Variants in TRAPPC9 observed in about 807,000 individuals in gnomAD.
TRAPPC9 encodes the protein IKK2 binding protein.
Under a neutral mutation model 124.0 loss-of-function variants are expected in TRAPPC9, and 83 were observed. That is an observed-to-expected ratio of 0.67 (90% CI 0.56 to 0.80). TRAPPC9 has a LOEUF of 0.80. Among genes scored for constraint, TRAPPC9 ranks in the 30% least tolerant of loss-of-function variants. The probability of loss-of-function intolerance (pLI) is 0.00; values close to 1 mark genes in which losing one functional copy is unlikely to be tolerated. For missense variants in TRAPPC9, 1,302 were observed against 1,508.3 expected (o/e 0.86, Z 2.27); for synonymous variants, 638 against 617.5 (o/e 1.03, Z -0.49).
chr8:140,141,027 T>C (rs1044257536), intron 17 of TRAPPC9, among the ~76,000 whole-genome samples: 7 of 152,226 alleles, frequency 4.6e-5, no homozygotes, highest in Non-Finnish European at 7.3e-5. Context: ...ATTTTGTTCT[T>C]CATGCTAACA....
At position 139,984,494 on chromosome 8, in the gene TRAPPC9, G is replaced by C. The variant is rs1348771118; in HGVS notation, c.2810+4232C>G. 1.3e-5 allele frequency among the ~76,000 whole-genome samples: 2 copies of C among 152,180 alleles called. No homozygotes were observed. The highest frequency in any genetic ancestry group is 4.8e-5 in the African/African-American group (2 of 41,458). ...GTGGCAGGGGTGCCTCCTCGTAGGG[G>C]AACGGGAGAGCCAGGAGAGAGGTTC... On this transcript the variant is annotated intron_variant, in intron 19 of 22. Coordinates refer to ENST00000438773, the MANE Select transcript of TRAPPC9 (RefSeq NM_001160372.4). This position sits in a 1 kb window ranked among gnomAD's most constrained non-coding sequence, Gnocchi z 4.3.
At chr8:140,251,013 C>T (rs930524203) in intron 16 of TRAPPC9, among the ~76,000 whole-genome samples, 2 of 152,184 alleles carry the variant, frequency 1.3e-5, no homozygotes, top group Non-Finnish European at 2.9e-5. Context: ...AAGGCAGAAG[C>T]ACAGTCATAA....
chr8:140,077,599 G>A (rs1395368937), intron 17 of TRAPPC9, among the ~76,000 whole-genome samples: 2 of 151,874 alleles, frequency 1.3e-5, no homozygotes, highest in East Asian at 1.9e-4. Context: ...GATGCTTGCT[G>A]GGGGGACTCC....
intron 17 of TRAPPC9, among the ~76,000 whole-genome samples, chr8:140,151,691 C>G (rs141535695): frequency 2.0e-5 from 3 of 152,176 alleles, no homozygotes; most frequent in East Asian, 1.9e-4. Context: ...GAGTTCAACA[C>G]AGGAATGCGG....
At chr8:139,836,835 T>G (rs1299285548) in intron 21 of TRAPPC9, among the ~76,000 whole-genome samples, 1 of 152,154 alleles carries the variant, frequency 6.6e-6, no homozygotes, top group Non-Finnish European at 1.5e-5. Flanking sequence ...CCCTCGATGT[T>G]TGCCATCATT....
intron 10 of TRAPPC9, among the ~76,000 whole-genome samples, chr8:140,305,327 G>A (rs1044227983): frequency 6.6e-6 from 1 of 152,154 alleles, no homozygotes; most frequent in South Asian, 2.1e-4. Context: ...GAGAGAGGGA[G>A]TATCGCACTG....
intron 10 of TRAPPC9, 85 bp downstream of exon 10, chr8:140,311,163 T>C: frequency 6.4e-7 from 1 of 1,552,402 alleles, no homozygotes; most frequent in Non-Finnish European, 8.8e-7. Context: ...ATGGGAACTC[T>C]TCTAAAGATC....
At chr8:140,184,548 G>C (rs1344371384) in intron 17 of TRAPPC9, among the ~76,000 whole-genome samples, 1 of 152,058 alleles carries the variant, frequency 6.6e-6, no homozygotes, top group African/African-American at 2.4e-5. Flanking sequence ...CAATTCTCCT[G>C]CCTCAGCCTC....
In TRAPPC9 at chr8:139,728,500, C is replaced by T. The variant is rs1381543086; in HGVS notation, c.*2561G>A. 6.6e-6 allele frequency among the ~76,000 whole-genome samples: 1 copy of T among 152,212 alleles called. No individual in the cohort carries two copies. Among genetic ancestry groups the T allele is most frequent in the Non-Finnish European group, 1.5e-5 (1 of 68,044 alleles). On this transcript the variant is annotated 3_prime_UTR_variant, in exon 23 of 23. Coordinates refer to ENST00000438773, the MANE Select transcript of TRAPPC9 (RefSeq NM_001160372.4). ...GGAGGATACTGCGCTGTCACTGAGA[C>T]ACCTGCCCCAGGTCCTCCATCTCAG...
At chr8:140,174,232 G>A (rs1422375922) in intron 17 of TRAPPC9, among the ~76,000 whole-genome samples, 1 of 152,088 alleles carries the variant, frequency 6.6e-6, no homozygotes, top group Non-Finnish European at 1.5e-5. Context: ...AGGATGGAGG[G>A]TGGGAGGAGG....
intron 17 of TRAPPC9, among the ~76,000 whole-genome samples, chr8:140,174,481 T>C (rs562841258): frequency 1.3e-5 from 2 of 152,340 alleles, no homozygotes; most frequent in East Asian, 3.9e-4. Flanking sequence ...ATTCACAGAA[T>C]TGTGCAATCA....
At chr8:140,332,414 G>A (rs2066917989) in intron 9 of TRAPPC9, among the ~76,000 whole-genome samples, 1 of 152,072 alleles carries the variant, frequency 6.6e-6, no homozygotes, top group Non-Finnish European at 1.5e-5. Flanking sequence ...ACTGTAGGGT[G>A]ACTAAAAGTA....
chr8:139,840,829 C>G (rs1029819056), intron 21 of TRAPPC9, among the ~76,000 whole-genome samples: 1 of 152,242 alleles, frequency 6.6e-6, no homozygotes, highest in Non-Finnish European at 1.5e-5. Context: ...TAGGCTTGTC[C>G]TTCCCTTGTG....
At chr8:139,985,033 G>A (rs1870805) in intron 19 of TRAPPC9, among the ~76,000 whole-genome samples, 64,451 of 152,002 alleles carry the variant, frequency 0.42, 13,833 homozygotes, top group African/African-American at 0.44. Context: ...AGCCTGACAC[G>A]GGGCTTACCA....
intron 21 of TRAPPC9, among the ~76,000 whole-genome samples, chr8:139,848,884 C>T (rs141929796): frequency 3.3e-5 from 5 of 152,292 alleles, no homozygotes; most frequent in Non-Finnish European, 7.4e-5. Flanking sequence ...CTAGCCTGAC[C>T]GTGCCATATG....
At chr8:139,787,696 T>C (rs1474794928) in intron 21 of TRAPPC9, among the ~76,000 whole-genome samples, 1 of 152,222 alleles carries the variant, frequency 6.6e-6, no homozygotes, top group Non-Finnish European at 1.5e-5. Flanking sequence ...TTGTTCAAGC[T>C]AACACCACTG....
chr8:140,326,030 C>T (rs1295415850), intron 9 of TRAPPC9, among the ~76,000 whole-genome samples: 1 of 152,066 alleles, frequency 6.6e-6, no homozygotes, highest in East Asian at 1.9e-4. Context: ...AATGGATACA[C>T]AAATGGAAAT....
rs184519133 is a variant in TRAPPC9, at chr8:139,886,002, C to T, written c.2965-33G>A. On this transcript the variant is annotated intron_variant, in intron 20 of 22. Transcript: ENST00000438773. ...TTGGTCAAGGAAAACGCAACTCCTG[C>T]GGAGCCCAGGGACAGAAGAACGTCT... The T allele has an allele frequency of 9.0e-4, 1,384 of 1,545,138 alleles. 9 individuals are homozygous for T. The African/African-American group carries it at 0.016, about 18-fold the overall frequency.
intron 17 of TRAPPC9, among the ~76,000 whole-genome samples, chr8:140,066,581 T>C (rs944360001): frequency 1.3e-5 from 2 of 152,374 alleles, no homozygotes; most frequent in East Asian, 3.9e-4. Flanking sequence ...GAAGTTTTTA[T>C]TAGGTTTACT....
Sources: gnomAD v4.1 joint callset for allele counts (sites outside exome capture counted in the v4.1 genomes callset) on GRCh38, gnomAD v4.1.1 for gene constraint, Gnocchi (gnomAD v3.1) non-coding constraint, MANE v1.5 for transcripts, NCBI Gene and HGNC (gene_info 2026-07-23, HGNC 2026-07-21) for gene names.